ZNF532: variants seen among roughly 807,000 people sequenced by gnomAD.
The protein encoded by ZNF532 is zinc finger protein 532.
A neutral mutation model predicts 89.3 loss-of-function variants in ZNF532; 22 were observed. The observed-to-expected ratio is 0.25, with a 90% confidence interval of 0.18 to 0.35. The LOEUF is 0.35. ZNF532 is among the 10% of genes least tolerant of loss of function. ZNF532 has a pLI of 1.00. For synonymous variants in ZNF532, 606 were observed against 649.6 expected (o/e 0.93, Z 1.02); for missense variants, 1,132 against 1,643.4 (o/e 0.69, Z 5.38).
At chr18:58,947,864 T>C (rs1384245969) in intron 5 of ZNF532, among the ~76,000 whole-genome samples, 1 of 152,246 alleles carries the variant, frequency 6.6e-6, no homozygotes, top group African/African-American at 2.4e-5. Flanking sequence ...AATGCATCTT[T>C]ACTGAAAATG....
At chr18:58,891,907 A>G (rs2058927875) in intron 2 of ZNF532, among the ~76,000 whole-genome samples, 1 of 152,240 alleles carries the variant, frequency 6.6e-6, no homozygotes, top group Admixed American at 6.5e-5. Flanking sequence ...TATTTGGAAT[A>G]GAACATTTCC....
At position 58,920,318 on chromosome 18, in the gene ZNF532, C is replaced by T. The variant is rs1178141565; in HGVS notation, c.2031C>T (p.Cys677=). 1.2e-6 allele frequency: 2 copies of T among 1,614,006 alleles called. No individual in the cohort carries two copies. Among genetic ancestry groups the T allele is most frequent in the Non-Finnish European group, 1.7e-6 (2 of 1,179,872 alleles). Residue 677 remains cysteine, a synonymous_variant, in exon 3 of 10, where the codon TGC becomes TGT. Coordinates refer to ENST00000591808, the MANE Select transcript of ZNF532 (RefSeq NM_001375912.1). ...GHKEKGVVMQ[C]SHLILKPVPA... is the part of the protein sequence containing the mutation. ...AGGAGAAAGGGGTGGTAATGCAATGCTCCCACTTAATTTTAAAGCCAGTCC... is the reference window on the plus strand; with the variant it reads ...AGGAGAAAGGGGTGGTAATGCAATGTTCCCACTTAATTTTAAAGCCAGTCC...
intron 4 of ZNF532, among the ~76,000 whole-genome samples, 199 bp downstream of exon 4, chr18:58,934,813 A>G (rs2062238739): frequency 6.6e-6 from 1 of 151,922 alleles, no homozygotes; most frequent in South Asian, 2.1e-4. Flanking sequence ...GTCCGCACAA[A>G]GTGGAGGGTC....
At chr18:58,931,940 A>T (rs188115188) in intron 3 of ZNF532, among the ~76,000 whole-genome samples, 1 of 152,256 alleles carries the variant, frequency 6.6e-6, no homozygotes, top group East Asian at 1.9e-4. Flanking sequence ...ACACTATCTC[A>T]AAACAACAAC....
At chr18:58,969,703 A>G (rs928330729) in intron 7 of ZNF532, among the ~76,000 whole-genome samples, 1 of 152,056 alleles carries the variant, frequency 6.6e-6, no homozygotes, top group Non-Finnish European at 1.5e-5. Context: ...TTGCTTGTTT[A>G]CTTTTTAATG....
At chr18:58,905,188 A>T (rs1332486934) in intron 2 of ZNF532, among the ~76,000 whole-genome samples, 2 of 152,090 alleles carry the variant, frequency 1.3e-5, no homozygotes, top group Non-Finnish European at 2.9e-5. Context: ...TTGCTACATC[A>T]TTTTGATTAG....
At chr18:58,928,103 G>A (rs568426282) in intron 3 of ZNF532, among the ~76,000 whole-genome samples, 1 of 151,124 alleles carries the variant, frequency 6.6e-6, no homozygotes, top group East Asian at 1.9e-4. Context: ...TTTCTATTTT[G>A]ACCTCTGTTT....
chr18:58,920,579 G>A lies in ZNF532; in HGVS notation c.2292G>A (p.Gln764=). ...LKCLECNEVF[Q]DETSLATHFQ... ...GTTTGGAGTGTAATGAAGTCTTCCA[G>A]GACGAGACATCACTGGCTACACATT... The change falls in exon 3 of 10, where the codon CAG becomes CAA. Residue 764 remains glutamine (Q), a synonymous_variant. Transcript: ENST00000591808. The A allele has an allele frequency of 6.2e-7, 1 of 1,607,716 alleles. No homozygotes were observed. The highest frequency in any genetic ancestry group is 8.5e-7 in the Non-Finnish European group (1 of 1,175,438).
In ZNF532 at chr18:58,934,482, C is replaced by T; in HGVS notation, c.2396C>T (p.Ala799Val). 6.2e-7 allele frequency: 1 copy of T among 1,614,148 alleles called. No homozygotes were observed. Residue 799 changes from alanine (A) to valine (V), a missense_variant, in exon 4 of 10, where the codon GCA (alanine) becomes GTA (valine). Coordinates refer to ENST00000591808, the MANE Select transcript of ZNF532 (RefSeq NM_001375912.1). ...CTGCTTCCTAACCAGTGCAGTTATGCATCACACCAGAGAATCCATCAGCAC... is the reference window on the plus strand; with the variant it reads ...CTGCTTCCTAACCAGTGCAGTTATGTATCACACCAGAGAATCCATCAGCAC... The part of the protein sequence containing the change: ...QMLLPNQCSY[A>V]SHQRIHQHKS...
intron 7 of ZNF532, among the ~76,000 whole-genome samples, chr18:58,970,966 G>A (rs2066422234): frequency 6.6e-6 from 1 of 152,220 alleles, no homozygotes; most frequent in Non-Finnish European, 1.5e-5. Flanking sequence ...CCAAGTGTCT[G>A]ACATTGCCCT....
At chr18:58,936,843 G>GT (rs1664243835) in intron 4 of ZNF532, among the ~76,000 whole-genome samples, 2 of 152,296 alleles carry the variant, frequency 1.3e-5, no homozygotes, top group Admixed American at 1.3e-4. Context: ...GCCTTGTCAT[G>GT]TTTTTTGCTC....
intron 5 of ZNF532, chr18:58,939,985 CTGGGTT>C: frequency 6.2e-6 from 1 of 160,174 alleles, no homozygotes; most frequent in Non-Finnish European, 1.4e-5. Flanking sequence ...CCTCCGTCTC[CTGGGTT>C]CAAGCGATTC....
At chr18:58,955,300 CTT>C (rs1361330263) in intron 7 of ZNF532, among the ~76,000 whole-genome samples, 3 of 152,172 alleles carry the variant, frequency 2.0e-5, no homozygotes, top group Non-Finnish European at 4.4e-5. Context: ...GTGCTGTATT[CTT>C]TTTGTATTTC....
chr18:58,878,248 C>G (rs1376292396), intron 2 of ZNF532, among the ~76,000 whole-genome samples: 1 of 148,992 alleles, frequency 6.7e-6, no homozygotes, highest in Non-Finnish European at 1.5e-5. Flanking sequence ...GAGCAAGACT[C>G]CATCTCAAAA....
intron 3 of ZNF532, 124 bp downstream of exon 3, chr18:58,920,757 TGTGTGTGTG>T (rs2060993062): frequency 1.6e-6 from 1 of 606,514 alleles, no homozygotes; most frequent in African/African-American, 2.0e-5. Context: ...TGTGTGTGTG[TGTGTGTGTG>T]TGTGTGTGTG....
At chr18:58,948,600 C>T (rs1487865813) in intron 6 of ZNF532, among the ~76,000 whole-genome samples, 1 of 148,532 alleles carries the variant, frequency 6.7e-6, no homozygotes, top group African/African-American at 2.5e-5. Context: ...CAGAGTCTCC[C>T]TCTGTCTCCC....
Position 58,888,777 on chromosome 18 carries a change from A to G in ZNF532, c.-18+23198A>G, listed in dbSNP as rs1318980415. On this transcript the variant is annotated intron_variant, in intron 2 of 9. Transcript: ENST00000591808. ...TATAAAATTAATATATATAATTTATATATATATAAAATATATATAATTTAT... is the reference window on the plus strand; with the variant it reads ...TATAAAATTAATATATATAATTTATGTATATATAAAATATATATAATTTAT... Among the ~76,000 whole-genome samples, 5 of 57,528 alleles carry G rather than the reference A, an allele frequency of 8.7e-5. No homozygotes were observed. In the East Asian group the frequency reaches 3.6e-3, roughly 42 times the overall value. 37.7% of individuals were successfully genotyped at this position (57,528 alleles called of 152,430 possible). A position where few individuals can be genotyped will look rare whatever the true frequency, so the allele number is the denominator to read the frequency against.
intron 2 of ZNF532, among the ~76,000 whole-genome samples, chr18:58,896,877 T>G (rs1602776982): frequency 6.6e-6 from 1 of 152,090 alleles, no homozygotes; most frequent in East Asian, 1.9e-4. Context: ...TGAAGATAAA[T>G]CGGCAAAATA....
At chr18:58,930,292 ATGCTATT>A (rs1452693266) in intron 3 of ZNF532, among the ~76,000 whole-genome samples, 1 of 152,136 alleles carries the variant, frequency 6.6e-6, no homozygotes, top group Non-Finnish European at 1.5e-5. Flanking sequence ...CTGCATTTGC[ATGCTATT>A]GATCAATTTC....
Sources: allele counts gnomAD v4.1 joint callset (sites outside exome capture counted in the v4.1 genomes callset), GRCh38; gene constraint gnomAD v4.1.1; transcripts MANE v1.5; gene names NCBI Gene and HGNC (gene_info 2026-07-23, HGNC 2026-07-21).